MAGI2: variants seen among roughly 807,000 people sequenced by gnomAD.
The protein encoded by MAGI2 is membrane associated guanylate kinase, WW and PDZ domain containing 2.
MAGI2 carries 35 observed loss-of-function variants against 133.3 expected under a neutral mutation model. That is an observed-to-expected ratio of 0.26 (90% confidence interval 0.20 to 0.35). MAGI2 has a LOEUF of 0.35. Ranked by LOEUF, MAGI2 falls within the 10% of genes least tolerant of loss-of-function variation. MAGI2 has a pLI of 1.00. For synonymous variants in MAGI2, 729 were observed against 710.6 expected, an observed-to-expected ratio of 1.03 and a Z score of -0.41; for missense variants, 1,636 against 1,863.4, an observed-to-expected ratio of 0.88 and a Z score of 2.25.
chr7:78,340,018 A>G (rs1431913681), intron 9 of MAGI2, among the ~76,000 whole-genome samples: 1 of 151,976 alleles, frequency 6.6e-6, no homozygotes, highest in Non-Finnish European at 1.5e-5. Flanking sequence ...GAATACCTCA[A>G]TTTTTTTTGT....
At chr7:79,370,184 G>A (rs1430961985) in intron 1 of MAGI2, among the ~76,000 whole-genome samples, 2 of 151,834 alleles carry the variant, frequency 1.3e-5, no homozygotes, top group African/African-American at 2.4e-5. Flanking sequence ...ACACTTTATT[G>A]TACATATGTC....
intron 3 of MAGI2, among the ~76,000 whole-genome samples, chr7:78,606,643 CTT>C (rs937325829): frequency 4.0e-5 from 6 of 151,802 alleles, no homozygotes; most frequent in African/African-American, 1.2e-4. Context: ...TCTGGTTTCT[CTT>C]TTACATATGG....
At chr7:79,240,057 A>G (rs1192869556) in intron 1 of MAGI2, among the ~76,000 whole-genome samples, 1 of 152,172 alleles carries the variant, frequency 6.6e-6, no homozygotes. Context: ...AGCCAGTGCC[A>G]TCCCTTGCTG....
At chr7:78,923,250 T>A (rs908222152) in intron 2 of MAGI2, among the ~76,000 whole-genome samples, 6 of 152,120 alleles carry the variant, frequency 3.9e-5, no homozygotes, top group African/African-American at 7.2e-5. Context: ...TTGGTGTTTT[T>A]GACATGAAGT....
At chr7:78,729,950 G>A (rs56364307) in intron 2 of MAGI2, among the ~76,000 whole-genome samples, 10,402 of 152,142 alleles carry the variant, frequency 0.068, 390 homozygotes, top group Admixed American at 0.11. Flanking sequence ...TGAGTTTGAG[G>A]AGCAGATTTA....
At chr7:78,358,693 C>A in intron 7 of MAGI2, 1 of 217,638 alleles carries the variant, frequency 4.6e-6, no homozygotes, top group Admixed American at 5.5e-5. Context: ...GCCTGGCTCA[C>A]GAGGTTGGCT....
chr7:78,421,586 G>T (rs116501415), intron 6 of MAGI2, among the ~76,000 whole-genome samples: 3,669 of 152,318 alleles, frequency 0.024, 121 homozygotes, highest in African/African-American at 0.076. Flanking sequence ...GGCTAGGCAG[G>T]AGGATCACTT....
At chr7:78,909,602 CAAAAAAAA>C (rs1237807866) in intron 2 of MAGI2, among the ~76,000 whole-genome samples, 8 of 42,160 alleles carry the variant, frequency 1.9e-4, no homozygotes, top group Admixed American at 1.3e-3. Context: ...GACTCCATCT[CAAAAAAAA>C]AAAAAAAAAA....
At chr7:79,086,990 A>G (rs1383627689) in intron 1 of MAGI2, among the ~76,000 whole-genome samples, 1 of 151,820 alleles carries the variant, frequency 6.6e-6, no homozygotes, top group African/African-American at 2.4e-5. Context: ...ACTAGAAATA[A>G]AAGAGTTATT....
chr7:78,357,419 T>C (rs1255873516), intron 7 of MAGI2, among the ~76,000 whole-genome samples: 3 of 152,176 alleles, frequency 2.0e-5, no homozygotes, highest in South Asian at 4.1e-4. Flanking sequence ...AATTTACATA[T>C]GAGGTCAGTG....
chr7:78,394,527 C>T (rs1276133713), intron 6 of MAGI2, among the ~76,000 whole-genome samples: 1 of 152,118 alleles, frequency 6.6e-6, no homozygotes, highest in Admixed American at 6.6e-5. Context: ...GCTTGGAGCC[C>T]ACTTCTCACC....
intron 3 of MAGI2, among the ~76,000 whole-genome samples, chr7:78,548,646 GA>G (rs745861084): frequency 1.3e-5 from 2 of 152,332 alleles, no homozygotes; most frequent in East Asian, 3.9e-4. Flanking sequence ...AGTGAGCTGA[GA>G]TTGTATCACT....
intron 6 of MAGI2, among the ~76,000 whole-genome samples, chr7:78,467,146 C>A (rs1400609779): frequency 6.6e-6 from 1 of 152,140 alleles, no homozygotes; most frequent in African/African-American, 2.4e-5. Context: ...TCAGAGACTG[C>A]ATGCTTATTC....
At chr7:79,406,113 T>C (rs1845790458) in intron 1 of MAGI2, among the ~76,000 whole-genome samples, 1 of 152,098 alleles carries the variant, frequency 6.6e-6, no homozygotes, top group South Asian at 2.1e-4. Flanking sequence ...GTAAATTCTA[T>C]CAATGAGTAT....
At chr7:78,665,023 G>A (rs982888760) in intron 2 of MAGI2, among the ~76,000 whole-genome samples, 6 of 151,942 alleles carry the variant, frequency 3.9e-5, no homozygotes, top group Non-Finnish European at 7.4e-5. Context: ...TTTGGTCACT[G>A]CATTTTACTA....
chr7:79,275,628 T>C (rs1416592481), intron 1 of MAGI2, among the ~76,000 whole-genome samples: 1 of 152,148 alleles, frequency 6.6e-6, no homozygotes, highest in Admixed American at 6.5e-5. Flanking sequence ...AATAGCCTAT[T>C]GGAAGAAGAT....
At chr7:78,738,677 A>T (rs534798418) in intron 2 of MAGI2, among the ~76,000 whole-genome samples, 1 of 152,210 alleles carries the variant, frequency 6.6e-6, no homozygotes, top group African/African-American at 2.4e-5. Context: ...GAGGATGTTC[A>T]TGATGAAAAA....
intron 2 of MAGI2, among the ~76,000 whole-genome samples, chr7:78,819,037 T>C (rs1789853087): frequency 6.6e-6 from 1 of 152,160 alleles, no homozygotes. Flanking sequence ...TCAGTTTTTC[T>C]ATATATTTGA....
At chr7:79,222,430 C>G (rs541363998) in intron 1 of MAGI2, among the ~76,000 whole-genome samples, 207 of 151,952 alleles carry the variant, frequency 1.4e-3, no homozygotes, top group Non-Finnish European at 1.4e-3. Flanking sequence ...TTGGATGGAC[C>G]TAGGACCAAG....
Sources: allele counts gnomAD v4.1 joint callset (sites outside exome capture counted in the v4.1 genomes callset), GRCh38; gene constraint gnomAD v4.1.1; transcripts MANE v1.5; gene names NCBI Gene and HGNC (gene_info 2026-07-23, HGNC 2026-07-21).